The following UNC5C variants were observed in gnomAD, a reference collection of about 807,000 sequenced individuals.
UNC5C encodes unc-5 netrin receptor C.
Under a neutral mutation model 99.8 loss-of-function variants are expected in UNC5C, and 47 were observed. The observed-to-expected ratio is 0.47, with a 90% CI of 0.37 to 0.60. The LOEUF is 0.60. Ranked by LOEUF, UNC5C falls within the 20% of genes least tolerant of loss-of-function variation. The pLI is 0.00. For synonymous variants in UNC5C, 487 were observed against 452.2 expected, an observed-to-expected ratio of 1.08 and a Z score of -0.98; for missense variants, 1,062 against 1,165.9, an observed-to-expected ratio of 0.91 and a Z score of 1.30.
chr4:95,465,009 G>T (rs1407868765), intron 1 of UNC5C, among the ~76,000 whole-genome samples: 1 of 152,184 alleles, frequency 6.6e-6, no homozygotes, highest in Non-Finnish European at 1.5e-5. Flanking sequence ...TTTTCACAGA[G>T]AGATGATCCA....
chr4:95,179,352 A>T (rs541332279), intron 14 of UNC5C, among the ~76,000 whole-genome samples: 124 of 152,370 alleles, frequency 8.1e-4, no homozygotes, highest in Middle Eastern at 6.8e-3. Flanking sequence ...TTATTTGTGT[A>T]TACAGAAGTG....
At chr4:95,498,794 T>A (rs888321820) in intron 1 of UNC5C, among the ~76,000 whole-genome samples, 1 of 152,016 alleles carries the variant, frequency 6.6e-6, no homozygotes, top group African/African-American at 2.4e-5. Flanking sequence ...TTGATTTGTA[T>A]GAAATGACAT....
At chr4:95,538,110 C>G (rs1578215962) in intron 1 of UNC5C, among the ~76,000 whole-genome samples, 2 of 152,246 alleles carry the variant, frequency 1.3e-5, no homozygotes, top group Non-Finnish European at 2.9e-5. Context: ...AAATCTCTGC[C>G]TGTTTATTAG....
rs771320753 is a variant in UNC5C, at chr4:95,242,410, T to C, written c.1108+19A>G. ...TCTCCAGCCCCCTCAATGTCTGCAGTTTGCTTAAATTGACTTACTCTGCAT... is the reference window on the plus strand; with the variant it reads ...TCTCCAGCCCCCTCAATGTCTGCAGCTTGCTTAAATTGACTTACTCTGCAT... On this transcript the variant is annotated intron_variant, in intron 7 of 15. Transcript: ENST00000453304. The C allele has an allele frequency of 1.9e-6, 3 of 1,613,944 alleles. No homozygotes were observed. In the South Asian group the frequency reaches 3.3e-5, roughly 18 times the overall value.
intron 1 of UNC5C, among the ~76,000 whole-genome samples, chr4:95,381,544 C>G (rs551333750): frequency 1.3e-5 from 2 of 151,990 alleles, no homozygotes; most frequent in Admixed American, 6.6e-5. Context: ...TATCACTGTC[C>G]GTGAGACAGT....
chr4:95,360,948 A>T (rs970003016), intron 1 of UNC5C, among the ~76,000 whole-genome samples: 2 of 152,198 alleles, frequency 1.3e-5, no homozygotes, highest in African/African-American at 4.8e-5. Flanking sequence ...GTCTGTGAGT[A>T]TATGCGGTTA....
At chr4:95,340,923 G>T (rs1037297204) in intron 1 of UNC5C, among the ~76,000 whole-genome samples, 5 of 151,892 alleles carry the variant, frequency 3.3e-5, no homozygotes, top group Admixed American at 2.0e-4. Flanking sequence ...ACCCCCTTTT[G>T]CAAATAATTT....
intron 2 of UNC5C, among the ~76,000 whole-genome samples, chr4:95,303,564 T>G (rs919836121): frequency 6.6e-6 from 1 of 152,218 alleles, no homozygotes; most frequent in Non-Finnish European, 1.5e-5. Flanking sequence ...TAATCCCAGC[T>G]ACTCGGGAGT....
At chr4:95,324,160 T>C (rs1378031065) in intron 2 of UNC5C, among the ~76,000 whole-genome samples, 1 of 152,170 alleles carries the variant, frequency 6.6e-6, no homozygotes, top group African/African-American at 2.4e-5. Flanking sequence ...CCGGGCCACA[T>C]GGCAGGAGGT....
chr4:95,183,441 G>T (rs1736698431), intron 13 of UNC5C, among the ~76,000 whole-genome samples: 1 of 152,140 alleles, frequency 6.6e-6, no homozygotes, highest in Admixed American at 6.6e-5. Context: ...ACCAGCCATT[G>T]CTCATTAATA....
Position 95,219,052 on chromosome 4 carries a change from C to T in UNC5C, c.1562G>A (p.Ser521Asn), listed in dbSNP as rs1738362152. 1 of 1,614,190 alleles carries T rather than the reference C, an allele frequency of 6.2e-7. No individual in the cohort carries two copies. The highest frequency in any genetic ancestry group is 1.7e-5 in the Admixed American group (1 of 60,026). Residue 521 changes from serine (S) to asparagine (N), a missense_variant, in exon 9 of 16, where the codon AGT becomes AAT. Transcript: ENST00000453304. ...GGATGGATCAGTCTGCCTTGCTAGACTCTGGTTCTTCAGGCTGAGGGCTTC... is the reference window on the plus strand; with the variant it reads ...GGATGGATCAGTCTGCCTTGCTAGATTCTGGTTCTTCAGGCTGAGGGCTTC... ...ENEALSLKNQ[S>N]LARQTDPSCT...
intron 1 of UNC5C, among the ~76,000 whole-genome samples, chr4:95,341,797 T>G (rs1268028746): frequency 2.0e-5 from 3 of 152,074 alleles, no homozygotes; most frequent in Admixed American, 2.0e-4. Flanking sequence ...GTCACCACTC[T>G]CCCAACTCCC....
At chr4:95,308,977 C>A (rs1742167811) in intron 2 of UNC5C, among the ~76,000 whole-genome samples, 1 of 151,970 alleles carries the variant, frequency 6.6e-6, no homozygotes, top group Admixed American at 6.6e-5. Flanking sequence ...ATAGCTAATG[C>A]AATCTTGAGC....
At chr4:95,545,140 A>G (rs943433568) in intron 1 of UNC5C, among the ~76,000 whole-genome samples, 4 of 152,212 alleles carry the variant, frequency 2.6e-5, no homozygotes, top group Admixed American at 1.3e-4. Context: ...TGACTAGGAC[A>G]ACCAGCTCCA....
intron 4 of UNC5C, among the ~76,000 whole-genome samples, chr4:95,257,430 G>A (rs1353067992): frequency 1.3e-5 from 2 of 151,888 alleles, no homozygotes; most frequent in Non-Finnish European, 2.9e-5. Context: ...AAAGAAAAAA[G>A]TGGCATAGGG....
intron 1 of UNC5C, among the ~76,000 whole-genome samples, chr4:95,392,285 G>A (rs1347882978): frequency 6.6e-6 from 1 of 151,044 alleles, no homozygotes; most frequent in Non-Finnish European, 1.5e-5. Context: ...TGAGTCAATA[G>A]AAAATAATTA....
At chr4:95,301,186 T>C (rs922645253) in intron 3 of UNC5C, among the ~76,000 whole-genome samples, 1 of 142,620 alleles carries the variant, frequency 7.0e-6, no homozygotes, top group Non-Finnish European at 1.5e-5. Flanking sequence ...GGAGCAGTTT[T>C]TTTCCAGGAT....
At chr4:95,310,567 A>G (rs180954977) in intron 2 of UNC5C, among the ~76,000 whole-genome samples, 5,292 of 151,606 alleles carry the variant, frequency 0.035, 123 homozygotes, top group South Asian at 0.053. Context: ...AATTCTGTTA[A>G]TAAATGTAGA....
intron 2 of UNC5C, among the ~76,000 whole-genome samples, chr4:95,304,954 G>A (rs1172250710): frequency 3.9e-5 from 6 of 152,156 alleles, no homozygotes; most frequent in Non-Finnish European, 8.8e-5. Flanking sequence ...GCTCATGGAT[G>A]GTTCTACTGA....
Sources: allele counts gnomAD v4.1 joint callset (sites outside exome capture counted in the v4.1 genomes callset), GRCh38; gene constraint gnomAD v4.1.1; transcripts MANE v1.5; gene names NCBI Gene and HGNC (gene_info 2026-07-23, HGNC 2026-07-21).